SLC6A11: variants seen among roughly 807,000 people sequenced by gnomAD.
SLC6A11 encodes the protein sodium- and chloride-dependent GABA transporter 3.
In SLC6A11, 25 loss-of-function variants were observed where a neutral mutation model predicts 74.8. The ratio of observed to expected loss-of-function variants is 0.33; its 90% CI spans 0.24 to 0.47. The LOEUF (loss-of-function observed/expected upper bound fraction) is 0.47, where lower values mean the gene tolerates loss of function less well. Ranked by LOEUF, SLC6A11 falls within the 20% of genes least tolerant of loss-of-function variation. SLC6A11 has a pLI of 1.00. For missense variants in SLC6A11, 574 were observed against 837.0 expected (o/e 0.69, Z 3.88); for synonymous variants, 330 against 330.2 (o/e 1.00, Z 0.01).
chr3:10,934,970 T>A, intron 12 of SLC6A11, 59 bp from the exon 13 acceptor site: 1 of 1,492,726 alleles, frequency 6.7e-7, no homozygotes. Flanking sequence ...CTCAGACCCC[T>A]CATGGCCTAG....
chr3:10,859,473 A>C (rs577952407), intron 5 of SLC6A11, among the ~76,000 whole-genome samples: 1 of 152,260 alleles, frequency 6.6e-6, no homozygotes, highest in South Asian at 2.1e-4. Context: ...GTGACTCTGC[A>C]ATGTCTGTGA....
chr3:10,872,776 G>T (rs1694842384), intron 5 of SLC6A11, among the ~76,000 whole-genome samples: 1 of 152,194 alleles, frequency 6.6e-6, no homozygotes, highest in Non-Finnish European at 1.5e-5. Context: ...AGAAACCCTG[G>T]GTTGAACAGG....
chr3:10,909,466 A>G (rs1441578617), intron 6 of SLC6A11, among the ~76,000 whole-genome samples: 3 of 152,156 alleles, frequency 2.0e-5, no homozygotes, highest in Non-Finnish European at 4.4e-5. Flanking sequence ...TCTAACTCAT[A>G]GAGCGTTTAT....
chr3:10,926,034 A>G lies in SLC6A11; in HGVS notation c.1151A>G (p.Lys384Arg), dbSNP rs1695600857. ...GGCCTGGCCTTTATTGCGTACCCCA[A>G]GGCGGTCACCATGATGCCTCTCTCC... is the stretch of plus-strand genomic sequence containing the variant. ...GPGLAFIAYP[K>R]AVTMMPLSPL... The change falls in exon 9 of 14, where the codon AAG (lysine) becomes AGG (arginine). Residue 384 changes from lysine (K) to arginine (R), a missense_variant. By Grantham distance (26) the Lys-to-Arg change is conservative (BLOSUM62 2). Around this residue, in one of 4 missense-constraint regions of SLC6A11, gnomAD observed 257 missense variants for 341.5 expected, o/e 0.75. Coordinates refer to ENST00000254488, the MANE Select transcript of SLC6A11 (RefSeq NM_014229.3). The surrounding 1 kb of genome is among the most constrained non-coding windows in gnomAD (Gnocchi z 5.7). 1.2e-6 allele frequency: 2 copies of G among 1,613,134 alleles called. No homozygotes were observed. The highest frequency in any genetic ancestry group is 1.3e-5 in the African/African-American group (1 of 74,836).
At chr3:10,902,070 CTGTG>C (rs773694134) in intron 6 of SLC6A11, among the ~76,000 whole-genome samples, 3 of 143,054 alleles carry the variant, frequency 2.1e-5, no homozygotes, top group Non-Finnish European at 4.5e-5. Flanking sequence ...GTGCGTGTGT[CTGTG>C]TGTGTGTGGG....
At chr3:10,908,865 G>A (rs1282854180) in intron 6 of SLC6A11, among the ~76,000 whole-genome samples, 1 of 152,106 alleles carries the variant, frequency 6.6e-6, no homozygotes, top group East Asian at 1.9e-4. Context: ...GTTGCTATTA[G>A]CTTGAGTTTG....
chr3:10,935,451 C>A, intron 13 of SLC6A11: 1 of 471,464 alleles, frequency 2.1e-6, no homozygotes, highest in Non-Finnish European at 3.8e-6. Flanking sequence ...AACCACAGTA[C>A]CTAACTTACA....
At chr3:10,889,390 C>A (rs771553198) in intron 6 of SLC6A11, among the ~76,000 whole-genome samples, 26 of 152,136 alleles carry the variant, frequency 1.7e-4, no homozygotes, top group Non-Finnish European at 3.5e-4. Context: ...TAATGTCACG[C>A]ACCCACCACT....
intron 4 of SLC6A11, among the ~76,000 whole-genome samples, chr3:10,843,868 T>A (rs984370947): frequency 6.6e-6 from 1 of 152,200 alleles, no homozygotes; most frequent in Non-Finnish European, 1.5e-5. Context: ...ATGTATGGGC[T>A]CCCTTCAGGG....
intron 5 of SLC6A11, among the ~76,000 whole-genome samples, chr3:10,847,797 C>T (rs546806524): frequency 4.6e-5 from 7 of 152,228 alleles, no homozygotes; most frequent in East Asian, 1.9e-4. Flanking sequence ...ACTTTGGAGA[C>T]GAGCCCAGCA....
At chr3:10,889,049 T>A (rs1281854169) in intron 6 of SLC6A11, among the ~76,000 whole-genome samples, 1 of 152,168 alleles carries the variant, frequency 6.6e-6, no homozygotes, top group Admixed American at 6.5e-5. Flanking sequence ...AACCCCCCTC[T>A]CCAAAATTGC....
chr3:10,816,573 C>T lies in SLC6A11; in HGVS notation c.256+52C>T. On this transcript the variant is annotated intron_variant, in intron 1 of 13. Coordinates refer to ENST00000254488, the MANE Select transcript of SLC6A11 (RefSeq NM_014229.3). This position sits in a 1 kb window ranked among gnomAD's most constrained non-coding sequence, Gnocchi z 4.2. ...GGGGGCGCCAACCGCCCGGTGGGGG[C>T]GGGGAGCCAGGGGCGAGCGCGAGAC... is the stretch of plus-strand genomic sequence containing the variant. The T allele has an allele frequency of 7.0e-7, 1 of 1,423,126 alleles. No homozygotes were observed. The highest frequency in any genetic ancestry group is 9.4e-7 in the Non-Finnish European group (1 of 1,066,808). 88.2% of individuals were successfully genotyped at this position (1,423,126 alleles called of 1,614,324 possible).
At chr3:10,849,794 C>CAAAAAAA (rs56099322) in intron 5 of SLC6A11, among the ~76,000 whole-genome samples, 13 of 87,270 alleles carry the variant, frequency 1.5e-4, no homozygotes, top group Non-Finnish European at 2.0e-4. Context: ...TTGTTGAAGC[C>CAAAAAAA]AAAAAAAAAA....
At chr3:10,825,180 C>CAAAAAAAAAAA (rs57132355) in intron 4 of SLC6A11, 1 of 120,824 alleles carries the variant, frequency 8.3e-6, no homozygotes. Context: ...GAGACTGTCT[C>CAAAAAAAAAAA]AAAAAAAAAA....
At chr3:10,905,085 C>T (rs543480666) in intron 6 of SLC6A11, among the ~76,000 whole-genome samples, 1 of 152,332 alleles carries the variant, frequency 6.6e-6, no homozygotes, top group African/African-American at 2.4e-5. Flanking sequence ...TTCGTCAAAT[C>T]ATTCTAATGC....
intron 5 of SLC6A11, among the ~76,000 whole-genome samples, chr3:10,861,661 G>T (rs1371085186): frequency 6.6e-6 from 1 of 152,204 alleles, no homozygotes; most frequent in African/African-American, 2.4e-5. Context: ...GAGCAAGCAT[G>T]AAGAAGCCAT....
At chr3:10,854,719 G>A (rs1334875821) in intron 5 of SLC6A11, among the ~76,000 whole-genome samples, 1 of 152,204 alleles carries the variant, frequency 6.6e-6, no homozygotes, top group Non-Finnish European at 1.5e-5. Context: ...TGGTTCCAGA[G>A]TCCTTGCCTT....
Position 10,918,606 on chromosome 3 carries a change from G to C in SLC6A11, c.1120+153G>C, listed in dbSNP as rs147834640. Among the ~76,000 whole-genome samples, 213 of 152,214 alleles carry C rather than the reference G, an allele frequency of 1.4e-3. 1 individual carries two copies. Among genetic ancestry groups the C allele is most frequent in the African/African-American group, 4.8e-3 (201 of 41,528 alleles). On this transcript the variant is annotated intron_variant, in intron 8 of 13. Coordinates refer to ENST00000254488, the MANE Select transcript of SLC6A11 (RefSeq NM_014229.3). This position sits in a 1 kb window ranked among gnomAD's most constrained non-coding sequence, Gnocchi z 4.5. ...CCATTCATCCACAATCCAGGATCCT[G>C]GGAATTACCTAGGAGGAAAGTCTCG...
chr3:10,834,066 A>G (rs1037119343), intron 4 of SLC6A11, among the ~76,000 whole-genome samples: 23 of 152,188 alleles, frequency 1.5e-4, no homozygotes, highest in African/African-American at 4.3e-4. Context: ...CCATCCACCC[A>G]GGGGATAGAT....
Sources: allele counts gnomAD v4.1 joint callset (sites outside exome capture counted in the v4.1 genomes callset), GRCh38; gene constraint gnomAD v4.1.1; regional missense constraint gnomAD v4.1.1; non-coding constraint Gnocchi (gnomAD v3.1); transcripts MANE v1.5; gene names NCBI Gene and HGNC (gene_info 2026-07-23, HGNC 2026-07-21).